Variants in DLG5 observed in about 807,000 individuals in gnomAD.
The protein encoded by DLG5 is discs large MAGUK scaffold protein 5, also known as disks large homolog 5.
In DLG5, 48 loss-of-function variants were observed where a neutral mutation model predicts 189.8. That is an observed-to-expected ratio of 0.25 (90% CI 0.20 to 0.32). DLG5 has a LOEUF of 0.32. Ranked by LOEUF, DLG5 falls within the 10% of genes least tolerant of loss-of-function variation. The probability of loss-of-function intolerance (pLI) is 1.00; values close to 1 mark genes in which losing one functional copy is unlikely to be tolerated. For missense variants in DLG5, 2,160 were observed against 2,544.7 expected (o/e 0.85, Z 3.25); for synonymous variants, 1,016 against 1,054.1 (o/e 0.96, Z 0.70).
chr10:77,825,901 A>G (rs1053151581), intron 13 of DLG5, among the ~76,000 whole-genome samples: 2 of 152,164 alleles, frequency 1.3e-5, no homozygotes, highest in African/African-American at 4.8e-5. Flanking sequence ...ATTATCTGGA[A>G]GTAGTAAATT....
At chr10:77,934,050 AAAAAAT>A in the DLG5 span, among the ~76,000 whole-genome samples, 1 of 151,510 alleles carries the variant, frequency 6.6e-6, no homozygotes, top group Non-Finnish European at 1.5e-5. Context: ...TCTGTCTCCA[AAAAAAT>A]AAAAATAAAA....
In DLG5 at chr10:77,853,564, A is replaced by G. The variant is rs749102550; in HGVS notation, c.681-27T>C. On this transcript the variant is annotated intron_variant, in intron 4 of 31. Coordinates refer to ENST00000372391, the MANE Select transcript of DLG5 (RefSeq NM_004747.4). ...TGAAACACCCGGTACATGCTCAGTG[A>G]GCCCCAGCCAGCCCCTCACACCCCG... 4.0e-6 allele frequency: 6 copies of G among 1,511,308 alleles called. No individual in the cohort carries two copies. In the South Asian group the frequency reaches 7.8e-5, roughly 20 times the overall value. The allele number at this position is 1,511,308 out of a possible 1,614,324, so 93.6% of individuals were successfully genotyped here.
intron 1 of DLG5, among the ~76,000 whole-genome samples, chr10:77,902,509 A>T (rs1845954984): frequency 6.6e-6 from 1 of 152,224 alleles, no homozygotes; most frequent in African/African-American, 2.4e-5. Context: ...TACATCTCCA[A>T]TCAAGAAGAA....
chr10:77,931,949 C>A, the DLG5 span, among the ~76,000 whole-genome samples: 1 of 152,134 alleles, frequency 6.6e-6, no homozygotes, highest in East Asian at 1.9e-4. Context: ...TATACAAAGC[C>A]CTCCACAATG....
Position 77,843,518 on chromosome 10 carries a change from C to T in DLG5, c.1053G>A (p.Gln351=). ...CCCTCTGCTGGGTCAGCATCTCTGT[C>T]TGCTTCAGCAACCGCTGGTTCTCCT... is the stretch of plus-strand genomic sequence containing the variant. ...LGEENQRLLK[Q]TEMLTQQRDT... The change falls in exon 6 of 32, where the codon CAG becomes CAA. Residue 351 remains glutamine, a synonymous_variant. Transcript: ENST00000372391. The T allele has an allele frequency of 6.2e-7, 1 of 1,614,204 alleles. No homozygotes were observed. Among genetic ancestry groups the T allele is most frequent in the Non-Finnish European group, 8.5e-7 (1 of 1,180,044 alleles).
At chr10:77,912,646 A>G (rs1846257475) in intron 1 of DLG5, 1 of 152,220 alleles carries the variant, frequency 6.6e-6, no homozygotes, top group Non-Finnish European at 1.5e-5. Context: ...GTCCTGGTTA[A>G]CAGAGAGTGG....
chr10:77,934,620 G>A, the DLG5 span, among the ~76,000 whole-genome samples: 1,075 of 152,192 alleles, frequency 7.1e-3, 3 homozygotes, highest in Middle Eastern at 0.037. Context: ...GTCCCCAGCT[G>A]ACAGCCAGCA....
At chr10:77,936,155 T>C in the DLG5 span, among the ~76,000 whole-genome samples, 1 of 152,114 alleles carries the variant, frequency 6.6e-6, no homozygotes, top group South Asian at 2.1e-4. Context: ...AAACAGAGAA[T>C]CTGGCTGGGC....
chr10:77,804,826 A>G (rs894368918), intron 27 of DLG5, among the ~76,000 whole-genome samples: 1 of 152,198 alleles, frequency 6.6e-6, no homozygotes, highest in Non-Finnish European at 1.5e-5. Context: ...ACTACCAAGC[A>G]GCCTGTAAGA....
At chr10:77,859,797 G>A (rs1214327029) in intron 2 of DLG5, among the ~76,000 whole-genome samples, 1 of 152,230 alleles carries the variant, frequency 6.6e-6, no homozygotes, top group Non-Finnish European at 1.5e-5. Context: ...GCTCCAGGCC[G>A]CACCTTTGGG....
chr10:77,856,320 C>G lies in DLG5; in HGVS notation c.536+410G>C, dbSNP rs184507552. On this transcript the variant is annotated intron_variant, in intron 3 of 31. Transcript: ENST00000372391. The stretch of plus-strand genomic sequence containing the variant: ...TGAACCATGATTGTGCCACTGCATT[C>G]TAGCCCAGGCAACAGAGCAAGACCC... Among the ~76,000 whole-genome samples, 86 of 152,288 alleles carry G rather than the reference C, an allele frequency of 5.6e-4. 1 individual carries two copies. The highest frequency in any genetic ancestry group is 1.9e-3 in the African/African-American group (81 of 41,548).
At position 77,819,361 on chromosome 10, in the gene DLG5, G is replaced by A. The variant is rs1377187097; in HGVS notation, c.3631C>T (p.Pro1211Ser). 1.2e-6 allele frequency: 2 copies of A among 1,614,122 alleles called. No homozygotes were observed. The highest frequency in any genetic ancestry group is 1.7e-6 in the Non-Finnish European group (2 of 1,180,038). Reference protein sequence around the residue: ...SHRVGPCSSPPAARDAGPQGL... With the variant: ...SHRVGPCSSPSAARDAGPQGL... ...TGGGGGCCAGCATCTCGGGCCGCAG[G>A]TGGAGAGCTGCAGGGGCCGACCCTG... is the stretch of plus-strand genomic sequence containing the variant. The change falls in exon 17 of 32, where the codon CCT becomes TCT. Residue 1211 changes from proline to serine, a missense_variant. This residue lies in a region of DLG5 where 754 missense variants were observed against 746.5 expected (regional missense o/e 1.01). Coordinates refer to ENST00000372391, the MANE Select transcript of DLG5 (RefSeq NM_004747.4).
chr10:77,801,632 G>T (rs1037846166), intron 27 of DLG5, among the ~76,000 whole-genome samples: 1 of 152,182 alleles, frequency 6.6e-6, no homozygotes, highest in African/African-American at 2.4e-5. Flanking sequence ...AAAACCACAC[G>T]GGGGAAGCAC....
intron 20 of DLG5, among the ~76,000 whole-genome samples, chr10:77,812,636 C>T (rs150667633): frequency 4.6e-4 from 70 of 152,264 alleles, no homozygotes; most frequent in African/African-American, 1.5e-3. Flanking sequence ...GAGAACGGTC[C>T]GTGTGAACTA....
the DLG5 span, among the ~76,000 whole-genome samples, chr10:77,939,798 G>A: frequency 6.6e-6 from 1 of 152,200 alleles, no homozygotes; most frequent in East Asian, 1.9e-4. Flanking sequence ...TCCTCCATGG[G>A]AGGCCTCGTT....
intron 5 of DLG5, chr10:77,846,629 G>C: frequency 2.2e-6 from 1 of 447,808 alleles, no homozygotes; most frequent in Non-Finnish European, 4.5e-6. Flanking sequence ...CCCAGGAGGC[G>C]TAGGTTGCAG....
intron 5 of DLG5, among the ~76,000 whole-genome samples, chr10:77,846,335 C>T (rs926470006): frequency 6.6e-6 from 1 of 152,248 alleles, no homozygotes; most frequent in African/African-American, 2.4e-5. Context: ...CTTCTACCCA[C>T]ATCTGGAAAG....
chr10:77,829,644 G>A (rs35069099), intron 11 of DLG5, 114 bp from the exon 12 acceptor site: 55,634 of 1,258,914 alleles, frequency 0.044, 1,504 homozygotes, highest in Non-Finnish European at 0.053. Context: ...TCACATACAC[G>A]CTCAGAAAAT....
At chr10:77,908,851 A>T (rs1846139488) in intron 1 of DLG5, among the ~76,000 whole-genome samples, 1 of 152,176 alleles carries the variant, frequency 6.6e-6, no homozygotes, top group Non-Finnish European at 1.5e-5. Context: ...GGATTTTTAG[A>T]CACAAAAACA....
Sources: gnomAD v4.1 joint callset for allele counts (sites outside exome capture counted in the v4.1 genomes callset) on GRCh38, gnomAD v4.1.1 for gene constraint, gnomAD v4.1.1 regional missense constraint, MANE v1.5 for transcripts, NCBI Gene and HGNC (gene_info 2026-07-23, HGNC 2026-07-21) for gene names.